ATP6V1E2: variants seen among roughly 807,000 people sequenced by gnomAD.
ATP6V1E2 encodes ATPase H+ transporting V1 subunit E2, also known as V-type proton ATPase subunit E 2.
For synonymous variants in ATP6V1E2, 121 were observed against 104.2 expected (o/e 1.16, Z -0.98); for missense variants, 308 against 273.3 (o/e 1.13, Z -0.90).
In ATP6V1E2 at chr2:46,512,517, CTCTA is replaced by C; in HGVS notation, c.191_194del (p.Ile64SerfsTer7). On this transcript the variant is annotated frameshift_variant, in exon 5 of 5. Transcript: ENST00000522587. LOFTEE classifies it low-confidence loss of function (END_TRUNC). ...TGGACATCAGGATTTTCTTCTGCTGCTCTATCTGCTTCTCCTTTTTCTCATAATA... is the reference window on the plus strand; with the variant it reads ...TGGACATCAGGATTTTCTTCTGCTGCTCTGCTTCTCCTTTTTCTCATAATA... The C allele has an allele frequency of 6.2e-7, 1 of 1,614,194 alleles. No individual in the cohort carries two copies.
intron 4 of ATP6V1E2, among the ~76,000 whole-genome samples, chr2:46,521,634 G>T (rs1047659740): frequency 1.3e-5 from 2 of 152,108 alleles, no homozygotes; most frequent in Non-Finnish European, 2.9e-5. Context: ...TCCTTTGGGG[G>T]ATTTTAAATA....
intron 4 of ATP6V1E2, among the ~76,000 whole-genome samples, chr2:46,524,735 T>C (rs1456139245): frequency 6.6e-6 from 1 of 151,862 alleles, no homozygotes; most frequent in Non-Finnish European, 1.5e-5. Flanking sequence ...AGACACTGGA[T>C]GGGGAGAACA....
In ATP6V1E2 at chr2:46,512,341, A is replaced by G; in HGVS notation, c.371T>C (p.Leu124Pro). The G allele has an allele frequency of 1.2e-6, 2 of 1,613,876 alleles. No individual in the cohort carries two copies. The highest frequency in any genetic ancestry group is 1.7e-6 in the Non-Finnish European group (2 of 1,179,886). ...CATCACAGGTTCCAGCAGTCGGAGC[A>G]GACCCTGGAGCACCAGTTTATCCAG... ...GLLDKLVLQGLLRLLEPVMIV... is the reference protein window; with the variant it reads ...GLLDKLVLQGPLRLLEPVMIV... Residue 124 changes from leucine (L) to proline (P), a missense_variant, in exon 5 of 5, where the codon CTG becomes CCG. By Grantham distance (98) the Leu-to-Pro change is moderately conservative. Transcript: ENST00000522587.
chr2:46,535,408 G>A lies in ATP6V1E2; in HGVS notation c.-102+405C>T, dbSNP rs1275250621. 1 of 152,200 alleles carries A rather than the reference G, an allele frequency of 6.6e-6. No homozygotes were observed. Among genetic ancestry groups the A allele is most frequent in the African/African-American group, 2.4e-5 (1 of 41,434 alleles). 9.4% of individuals were successfully genotyped at this position (152,200 alleles called of 1,614,324 possible). A position where few individuals can be genotyped will look rare whatever the true frequency, so the allele number is the denominator to read the frequency against. The stretch of plus-strand genomic sequence containing the variant: ...CTGTTTGTGGCTGATTAAACAGAAA[G>A]AAATCTTAAAAGGATCACAGGCAGG... On this transcript the variant is annotated intron_variant, in intron 4 of 4. Transcript: ENST00000522587. The surrounding 1 kb of genome is among the most constrained non-coding windows in gnomAD (Gnocchi z 4.4).
intron 4 of ATP6V1E2, among the ~76,000 whole-genome samples, chr2:46,513,825 A>G (rs1302427832): frequency 6.6e-6 from 1 of 152,142 alleles, no homozygotes; most frequent in African/African-American, 2.4e-5. Flanking sequence ...CTCCATTTCA[A>G]AAACAACAAC....
rs896124636 is a variant in ATP6V1E2 at position 46,530,397 on chromosome 2, C to T, written c.-102+5416G>A. Among the ~76,000 whole-genome samples, 9 of 152,220 alleles carry T rather than the reference C, an allele frequency of 5.9e-5. No homozygotes were observed. The highest frequency in any genetic ancestry group is 2.2e-4 in the African/African-American group (9 of 41,460). On this transcript the variant is annotated intron_variant, in intron 4 of 4. Coordinates refer to ENST00000522587, the MANE Select transcript of ATP6V1E2 (RefSeq NM_001318063.2). This position sits in a 1 kb window ranked among gnomAD's most constrained non-coding sequence, Gnocchi z 5.2. ...CCACCTCTCAGGAACCAAGAACCAT[C>T]ATCCTCCTCCCTTCTCCAATATTCA...
chr2:46,512,252 C>CG lies in ATP6V1E2; in HGVS notation c.459dup (p.Glu154ArgfsTer15), dbSNP rs770722623. ...TGTTTCTGGGAAATTGTCATGTACTCGGGGATGGCTTTTTGTACAGCAGCC... is the reference window on the plus strand; with the variant it reads ...TGTTTCTGGGAAATTGTCATGTACTCGGGGGATGGCTTTTTGTACAGCAGCC... On this transcript the variant is annotated frameshift_variant, in exon 5 of 5. Coordinates refer to ENST00000522587, the MANE Select transcript of ATP6V1E2 (RefSeq NM_001318063.2). LOFTEE classifies it low-confidence loss of function (END_TRUNC). 1 of 1,613,618 alleles carries CG rather than the reference C, an allele frequency of 6.2e-7. No individual in the cohort carries two copies. Among genetic ancestry groups the CG allele is most frequent in the Non-Finnish European group, 8.5e-7 (1 of 1,179,740 alleles).
At chr2:46,531,017 T>C (rs1667156564) in intron 4 of ATP6V1E2, among the ~76,000 whole-genome samples, 1 of 145,874 alleles carries the variant, frequency 6.9e-6, no homozygotes. Flanking sequence ...TTTCTCTTGG[T>C]TGGTGAATAC....
intron 4 of ATP6V1E2, among the ~76,000 whole-genome samples, chr2:46,517,020 A>G (rs1426448131): frequency 6.6e-6 from 1 of 152,230 alleles, no homozygotes; most frequent in Non-Finnish European, 1.5e-5. Flanking sequence ...GACCCCAAAT[A>G]GCCAAAAACA....
chr2:46,524,875 G>A (rs1666816139), intron 4 of ATP6V1E2, among the ~76,000 whole-genome samples: 1 of 152,148 alleles, frequency 6.6e-6, no homozygotes, highest in African/African-American at 2.4e-5. Flanking sequence ...ATGGGAAAGG[G>A]TGGAAATGTC....
chr2:46,536,404 G>T (rs952985490), intron 3 of ATP6V1E2, among the ~76,000 whole-genome samples: 1 of 152,318 alleles, frequency 6.6e-6, no homozygotes, highest in South Asian at 2.1e-4. Context: ...AGAAGAGGGT[G>T]CCAATGGGAG....
intron 4 of ATP6V1E2, among the ~76,000 whole-genome samples, chr2:46,513,739 C>A (rs545868855): frequency 3.3e-5 from 5 of 152,048 alleles, no homozygotes; most frequent in Non-Finnish European, 7.4e-5. Context: ...GCAGGAGAAT[C>A]GCTTGAACCC....
chr2:46,524,814 G>A (rs1666812267), intron 4 of ATP6V1E2, among the ~76,000 whole-genome samples: 1 of 152,330 alleles, frequency 6.6e-6, no homozygotes, highest in East Asian at 1.9e-4. Context: ...GGGTTTGGCA[G>A]TAGTCAAGAG....
intron 2 of ATP6V1E2, among the ~76,000 whole-genome samples, chr2:46,540,643 C>T (rs1667703846): frequency 1.5e-5 from 1 of 66,782 alleles, no homozygotes; most frequent in African/African-American, 6.8e-5. Flanking sequence ...TTTTTTTTAC[C>T]ACTTGGACAT....
At chr2:46,520,313 G>A (rs1486388976) in intron 4 of ATP6V1E2, among the ~76,000 whole-genome samples, 1 of 152,228 alleles carries the variant, frequency 6.6e-6, no homozygotes, top group Non-Finnish European at 1.5e-5. Flanking sequence ...GCCCACATGG[G>A]CCTGTGACTT....
rs1558659433 is a variant in ATP6V1E2, at chr2:46,520,703, G to C, written c.-101-7891C>G. On this transcript the variant is annotated intron_variant, in intron 4 of 4. Transcript: ENST00000522587. ...TGTTTTCCAGATACAATTCAGAGCT[G>C]GATTCGGTGTTTGTTTTTCCAGTTA... 2.6e-5 allele frequency among the ~76,000 whole-genome samples: 4 copies of C among 152,200 alleles called. No individual in the cohort carries two copies. The South Asian group carries it at 8.3e-4, about 31-fold the overall frequency.
intron 4 of ATP6V1E2, among the ~76,000 whole-genome samples, chr2:46,520,220 C>T (rs184328899): frequency 6.6e-6 from 1 of 152,330 alleles, no homozygotes; most frequent in East Asian, 1.9e-4. Flanking sequence ...AGGGATTGAG[C>T]AAGTCCCTCT....
intron 4 of ATP6V1E2, among the ~76,000 whole-genome samples, chr2:46,518,456 C>T (rs1321987066): frequency 6.8e-6 from 1 of 146,856 alleles, no homozygotes; most frequent in African/African-American, 2.5e-5. Context: ...AGTACTGTAC[C>T]ATACTCTTAA....
intron 4 of ATP6V1E2, among the ~76,000 whole-genome samples, chr2:46,520,564 G>T (rs1056364098): frequency 6.6e-5 from 10 of 152,164 alleles, no homozygotes; most frequent in Non-Finnish European, 1.3e-4. Flanking sequence ...TCATGCTGTT[G>T]TCTTGGCTAT....
Sources: gnomAD v4.1 joint callset for allele counts (sites outside exome capture counted in the v4.1 genomes callset) on GRCh38, gnomAD v4.1.1 for gene constraint, Gnocchi (gnomAD v3.1) non-coding constraint, MANE v1.5 for transcripts, NCBI Gene and HGNC (gene_info 2026-07-23, HGNC 2026-07-21) for gene names.